IBTK: variants seen among roughly 807,000 people sequenced by gnomAD.
IBTK encodes the protein inhibitor of Bruton tyrosine kinase.
IBTK carries 83 observed loss-of-function variants against 154.9 expected under a neutral mutation model. The ratio of observed to expected loss-of-function variants is 0.54; its 90% CI spans 0.45 to 0.64. IBTK has a LOEUF of 0.64. Ranked by LOEUF, IBTK falls within the 30% of genes least tolerant of loss-of-function variation. The pLI, the probability that IBTK is intolerant of heterozygous loss-of-function variation, is 0.00. For synonymous variants in IBTK, 515 were observed against 536.1 expected, an observed-to-expected ratio of 0.96 and a Z score of 0.54; for missense variants, 1,332 against 1,584.6, an observed-to-expected ratio of 0.84 and a Z score of 2.71.
rs1768979861 is a variant in IBTK at position 82,196,200 on chromosome 6, CTG to C, written c.3174+96_3174+97del. ...TGATTCTTATATACCAACCTGGAAA[CTG>C]TTTTAAAATTAGGGCAAAAATAAGG... On this transcript the variant is annotated intron_variant, in intron 22 of 28. Coordinates refer to ENST00000306270, the MANE Select transcript of IBTK (RefSeq NM_015525.4). The C allele has an allele frequency of 3.0e-6, 3 of 988,404 alleles. No individual in the cohort carries two copies. The African/African-American group carries it at 4.9e-5, about 16-fold the overall frequency. 61.2% of individuals were successfully genotyped at this position (988,404 alleles called of 1,614,324 possible).
At chr6:82,181,564 G>A (rs1195250581) in intron 26 of IBTK, among the ~76,000 whole-genome samples, 5 of 152,154 alleles carry the variant, frequency 3.3e-5, no homozygotes, top group Admixed American at 2.0e-4. Flanking sequence ...AAAGGGACAT[G>A]ACAAAACATC....
chr6:82,208,317 C>G (rs2127811404), intron 16 of IBTK, among the ~76,000 whole-genome samples: 1 of 151,930 alleles, frequency 6.6e-6, no homozygotes, highest in East Asian at 1.9e-4. Flanking sequence ...GGAATTAACT[C>G]AAAATGGATC....
In IBTK at chr6:82,224,104, C is replaced by G; in HGVS notation, c.907G>C (p.Ala303Pro). 6.2e-7 allele frequency: 1 copy of G among 1,612,018 alleles called. No individual in the cohort carries two copies. Residue 303 changes from alanine to proline, a missense_variant, in exon 7 of 29, where the codon GCT becomes CCT. Ala to Pro is a conservative substitution (Grantham distance 27). Transcript: ENST00000306270. The part of the protein sequence containing the change: ...RFHTVLWTRE[A>P]VYTMGLNGGQ... ...CCATTTAGTCCCATAGTGTAAACAGCTTCTCTAGTCCATAGGACTGTATGA... is the reference window on the plus strand; with the variant it reads ...CCATTTAGTCCCATAGTGTAAACAGGTTCTCTAGTCCATAGGACTGTATGA...
In IBTK at chr6:82,231,635, G is replaced by A. The variant is rs764659350; in HGVS notation, c.543+83C>T. 7.5e-4 allele frequency: 762 copies of A among 1,021,372 alleles called. 1 individual carries two copies. The highest frequency in any genetic ancestry group is 9.8e-4 in the Non-Finnish European group (702 of 714,740). The allele number at this position is 1,021,372 out of a possible 1,614,324, so 63.3% of individuals were successfully genotyped here. On this transcript the variant is annotated intron_variant, in intron 4 of 28. Transcript: ENST00000306270. ...GTTACTGTACCTGAAACAAAGTTAT[G>A]TAATCCACATGAAAAGCTGAACAAT...
Position 82,204,973 on chromosome 6 carries a change from A to G in IBTK, c.2510-15T>C, listed in dbSNP as rs777596403. Reference sequence around the variant, plus strand: ...ATTTTGAGATTCTAAAAAAAGAAAGAAAACAAGCATCACTTTTTCTTTGTA... The same window carrying G: ...ATTTTGAGATTCTAAAAAAAGAAAGGAAACAAGCATCACTTTTTCTTTGTA... On this transcript the variant is annotated splice_polypyrimidine_tract_variant and intron_variant, in intron 16 of 28. Transcript: ENST00000306270. 5.2e-6 allele frequency: 8 copies of G among 1,524,472 alleles called. No individual in the cohort carries two copies. Among genetic ancestry groups the G allele is most frequent in the Non-Finnish European group, 7.2e-6 (8 of 1,112,516 alleles). The allele number at this position is 1,524,472 out of a possible 1,614,324, so 94.4% of individuals were successfully genotyped here.
intron 18 of IBTK, 143 bp downstream of exon 18, chr6:82,202,385 A>G (rs1769240921): frequency 1.6e-6 from 1 of 616,984 alleles, no homozygotes; most frequent in African/African-American, 2.0e-5. Context: ...TAAAATGTAC[A>G]TAACTTCTAA....
At chr6:82,174,808 A>G (rs1246503915) in intron 26 of IBTK, 1 of 363,394 alleles carries the variant, frequency 2.8e-6, no homozygotes, top group African/African-American at 2.1e-5. Flanking sequence ...AATTTGTCTG[A>G]TTAACAAGTT....
At chr6:82,227,914 C>A (rs1015347953) in intron 4 of IBTK, among the ~76,000 whole-genome samples, 5 of 151,314 alleles carry the variant, frequency 3.3e-5, no homozygotes, top group African/African-American at 1.2e-4. Context: ...CCTTATCTGC[C>A]TCAATCTCAG....
At chr6:82,209,874 C>T (rs1039580564) in intron 16 of IBTK, among the ~76,000 whole-genome samples, 1 of 152,136 alleles carries the variant, frequency 6.6e-6, no homozygotes, top group African/African-American at 2.4e-5. Context: ...GACTCAGAGG[C>T]TAGCTTCTTA....
Position 82,202,516 on chromosome 6 carries a change from C to T in IBTK, c.2729+12G>A. The T allele has an allele frequency of 7.4e-7, 1 of 1,354,604 alleles. No individual in the cohort carries two copies. Among genetic ancestry groups the T allele is most frequent in the Non-Finnish European group, 1.1e-6 (1 of 947,160 alleles). The allele number at this position is 1,354,604 out of a possible 1,614,324, so 83.9% of individuals were successfully genotyped here. ...TTTTGCAACAATCTTACAACATATGCACCTCACCTACCTTGCTTCAAGTAA... is the reference window on the plus strand; with the variant it reads ...TTTTGCAACAATCTTACAACATATGTACCTCACCTACCTTGCTTCAAGTAA... On this transcript the variant is annotated intron_variant, in intron 18 of 28. Transcript: ENST00000306270.
intron 2 of IBTK, among the ~76,000 whole-genome samples, chr6:82,239,311 T>G (rs1262030751): frequency 6.6e-6 from 1 of 151,496 alleles, no homozygotes; most frequent in Non-Finnish European, 1.5e-5. Context: ...GGCGTGGTGG[T>G]GGGTGCCTGT....
At chr6:82,211,286 T>C (rs1769626315) in intron 15 of IBTK, 81 bp downstream of exon 15, 1 of 1,108,422 alleles carries the variant, frequency 9.0e-7, no homozygotes, top group Non-Finnish European at 1.3e-6. Flanking sequence ...AGTTCTGATT[T>C]TGAATTTCTT....
intron 26 of IBTK, among the ~76,000 whole-genome samples, chr6:82,174,458 C>CGTA (rs1562066665): frequency 6.6e-6 from 1 of 151,958 alleles, no homozygotes. Context: ...GCTGAGGAGA[C>CGTA]GTACAATTAG....
rs2127794709 is a variant in IBTK at position 82,171,281 on chromosome 6, ATGATT to A, written c.*139_*143del. On this transcript the variant is annotated 3_prime_UTR_variant, in exon 29 of 29. Coordinates refer to ENST00000306270, the MANE Select transcript of IBTK (RefSeq NM_015525.4). ...TTATTTTTAATCATACAAACATTAT[ATGATT>A]TAACTGCAGTAAAGAAATTATATCT... 3.7e-6 allele frequency: 2 copies of A among 535,876 alleles called. No individual in the cohort carries two copies. Among genetic ancestry groups the A allele is most frequent in the South Asian group, 3.9e-5 (1 of 25,444 alleles). The allele number at this position is 535,876 out of a possible 1,614,324, so 33.2% of individuals were successfully genotyped here.
chr6:82,230,542 T>C (rs1419784628), intron 4 of IBTK, among the ~76,000 whole-genome samples: 1 of 152,134 alleles, frequency 6.6e-6, no homozygotes, highest in African/African-American at 2.4e-5. Flanking sequence ...GAAAAGGACA[T>C]GGCACCTAGG....
chr6:82,201,293 A>G (rs1319276835), intron 19 of IBTK, 129 bp downstream of exon 19: 1 of 498,518 alleles, frequency 2.0e-6, no homozygotes, highest in Non-Finnish European at 3.5e-6. Context: ...GGAATCCTAT[A>G]TCATCAGTTT....
At chr6:82,234,336 A>G in intron 2 of IBTK, 81 bp from the exon 3 acceptor site, 2 of 472,314 alleles carry the variant, frequency 4.2e-6, no homozygotes, top group Non-Finnish European at 6.2e-6. Flanking sequence ...CTATTTTATT[A>G]TTATTTTTTT....
rs188651218 is a variant in IBTK, at chr6:82,174,761, T to G, written c.3726-1323A>C. Reference sequence around the variant, plus strand: ...TGTGAAGAAAGCATATATTAACTATTATAGAGATTAAAAAACAAACTCAAA... The same window carrying G: ...TGTGAAGAAAGCATATATTAACTATGATAGAGATTAAAAAACAAACTCAAA... On this transcript the variant is annotated intron_variant, in intron 26 of 28. Transcript: ENST00000306270. 1,834 of 353,982 alleles carry G rather than the reference T, an allele frequency of 5.2e-3. 11 individuals carry two copies. Among genetic ancestry groups the G allele is most frequent in the Middle Eastern group, 0.019 (19 of 992 alleles). 21.9% of individuals were successfully genotyped at this position (353,982 alleles called of 1,614,324 possible).
rs1237317344 is a variant in IBTK, at chr6:82,191,803, G to A, written c.3415C>T (p.Pro1139Ser). 3.8e-6 allele frequency: 6 copies of A among 1,599,804 alleles called. No homozygotes were observed. In the South Asian group the frequency reaches 4.4e-5, roughly 12 times the overall value. The change falls in exon 24 of 29, where the codon CCA (proline) becomes TCA (serine). Residue 1139 changes from proline to serine, a missense_variant. Coordinates refer to ENST00000306270, the MANE Select transcript of IBTK (RefSeq NM_015525.4). ...TCAACCCACCCTAAATGTGACTTTG[G>A]TGTAGCTCCACATTTTTGTCTACTT... ...EESRQKCGAT[P>S]KSHLGKTVSH... is the part of the protein sequence containing the mutation.
Sources: allele counts gnomAD v4.1 joint callset (sites outside exome capture counted in the v4.1 genomes callset), GRCh38; gene constraint gnomAD v4.1.1; transcripts MANE v1.5; gene names NCBI Gene and HGNC (gene_info 2026-07-23, HGNC 2026-07-21).